Variants in SLC2A7 observed in about 807,000 individuals in gnomAD.
The protein encoded by SLC2A7 is solute carrier family 2, facilitated glucose transporter member 7.
In SLC2A7, 50 loss-of-function variants were observed where a neutral mutation model predicts 50.5. That is an observed-to-expected ratio of 0.99 (90% CI 0.79 to 1.25). The LOEUF (loss-of-function observed/expected upper bound fraction) is 1.25, where lower values mean the gene tolerates loss of function less well. SLC2A7 is among the 50% of genes most tolerant of loss of function. SLC2A7 has a pLI of 0.00. For synonymous variants in SLC2A7, 308 were observed against 300.4 expected (o/e 1.03, Z -0.26); for missense variants, 683 against 679.1 (o/e 1.01, Z -0.06).
intron 8 of SLC2A7, among the ~76,000 whole-genome samples, chr1:9,012,431 T>C (rs539272265): frequency 4.6e-5 from 7 of 152,232 alleles, no homozygotes; most frequent in Admixed American, 3.9e-4. Flanking sequence ...GCCACAGAAA[T>C]CCAGCAGGAG....
intron 11 of SLC2A7, among the ~76,000 whole-genome samples, chr1:9,003,876 A>C (rs1362658028): frequency 1.3e-5 from 2 of 152,074 alleles, no homozygotes; most frequent in Non-Finnish European, 2.9e-5. Flanking sequence ...AAACAAAAAC[A>C]AAAACCCCAA....
chr1:9,010,152 G>A lies in SLC2A7; in HGVS notation c.1107C>T (p.Leu369=). The A allele has an allele frequency of 1.3e-6, 2 of 1,552,576 alleles. No individual in the cohort carries two copies. The highest frequency in any genetic ancestry group is 2.4e-5 in the East Asian group (1 of 40,952). ...GGAAATGAGGTCAGACCTGGAATAG[G>A]AGCACCACCGTCAGCACCAGGCAGG... ...GSACLVLTVV[L]LFQNRVPELS... is the part of the protein sequence containing the mutation. The change falls in exon 9 of 12, where the codon CTC becomes CTT. Residue 369 remains leucine, a synonymous_variant. Coordinates refer to ENST00000400906, the MANE Select transcript of SLC2A7 (RefSeq NM_207420.3).
chr1:9,017,225 C>A (rs1640842984), intron 5 of SLC2A7, among the ~76,000 whole-genome samples: 2 of 152,148 alleles, frequency 1.3e-5, no homozygotes, highest in African/African-American at 4.8e-5. Flanking sequence ...GAGGCTGAGG[C>A]AGGAGAACTG....
At chr1:9,002,437 T>C (rs1640588551), downstream of SLC2A7, among the ~76,000 whole-genome samples, 1 of 152,228 alleles carries the variant, frequency 6.6e-6, no homozygotes, top group African/African-American at 2.4e-5. Context: ...AATACTGCTC[T>C]TTACTACACT....
rs1464081721 is a variant in SLC2A7 at position 9,008,585 on chromosome 1, T to C, written c.1117-1200A>G. 6.8e-6 allele frequency among the ~76,000 whole-genome samples: 1 copy of C among 146,338 alleles called. No individual in the cohort carries two copies. The highest frequency in any genetic ancestry group is 2.0e-4 in the East Asian group (1 of 4,920). The stretch of plus-strand genomic sequence containing the variant: ...CACTTCCTAGAATCCCTAAAGGTTC[T>C]GCTAAGAACTTATATTGGTTTTTTT... On this transcript the variant is annotated intron_variant, in intron 9 of 11. Coordinates refer to ENST00000400906, the MANE Select transcript of SLC2A7 (RefSeq NM_207420.3). This position sits in a 1 kb window ranked among gnomAD's most constrained non-coding sequence, Gnocchi z 5.9.
At chr1:9,002,150 G>A (rs773702885), downstream of SLC2A7, among the ~76,000 whole-genome samples, 12 of 152,182 alleles carry the variant, frequency 7.9e-5, no homozygotes, top group African/African-American at 1.2e-4. Flanking sequence ...GAAAGCCTGG[G>A]TATTGTCTAA....
downstream of SLC2A7, among the ~76,000 whole-genome samples, chr1:9,001,833 A>G (rs1209878987): frequency 6.6e-6 from 1 of 152,164 alleles, no homozygotes; most frequent in African/African-American, 2.4e-5. Flanking sequence ...GGGGGGAAGA[A>G]TGAGAGATCA....
chr1:9,025,182 GAT>G, intron 1 of SLC2A7, 108 bp from the exon 2 acceptor site: 1 of 1,159,222 alleles, frequency 8.6e-7, no homozygotes, highest in Non-Finnish European at 1.2e-6. Flanking sequence ...GGGGATGGGG[GAT>G]CCCAGGCCGT....
downstream of SLC2A7, among the ~76,000 whole-genome samples, chr1:8,999,248 G>A (rs971551892): frequency 2.0e-5 from 3 of 152,132 alleles, no homozygotes; most frequent in African/African-American, 7.2e-5. Context: ...CTGACCTCAA[G>A]TGATTCCCAA....
At chr1:9,015,300 C>A in intron 5 of SLC2A7, 58 bp from the exon 6 acceptor site, 2 of 1,503,140 alleles carry the variant, frequency 1.3e-6, no homozygotes, top group Non-Finnish European at 1.8e-6. Flanking sequence ...GCCCACCTAC[C>A]ACTGTGCTCG....
chr1:8,992,964 A>AG, the SLC2A7 span, among the ~76,000 whole-genome samples: 1 of 152,220 alleles, frequency 6.6e-6, no homozygotes, highest in African/African-American at 2.4e-5. Context: ...CACCTAATAA[A>AG]GGGAGATGGC....
chr1:8,998,158 C>T (rs1416684709), downstream of SLC2A7, among the ~76,000 whole-genome samples: 1 of 152,160 alleles, frequency 6.6e-6, no homozygotes, highest in Non-Finnish European at 1.5e-5. Flanking sequence ...AATCCCAGCA[C>T]TTTGGGAGGC....
downstream of SLC2A7, among the ~76,000 whole-genome samples, chr1:9,002,362 G>A (rs1345134925): frequency 2.0e-5 from 3 of 152,220 alleles, no homozygotes; most frequent in Admixed American, 1.3e-4. Context: ...AAACCCGAGC[G>A]TACGTTCTGT....
chr1:9,004,013 T>C (rs1252234851), intron 11 of SLC2A7, among the ~76,000 whole-genome samples: 1 of 149,634 alleles, frequency 6.7e-6, no homozygotes, highest in African/African-American at 2.5e-5. Flanking sequence ...CTAAAGATTG[T>C]TTGCAGGAAA....
chr1:9,001,361 T>C (rs571339537), downstream of SLC2A7, among the ~76,000 whole-genome samples: 13 of 151,124 alleles, frequency 8.6e-5, no homozygotes, highest in Admixed American at 4.6e-4. Context: ...TCTCGAGTGA[T>C]AGAATCAGCC....
intron 3 of SLC2A7, 81 bp downstream of exon 3, chr1:9,022,837 C>T (rs1000938365): frequency 6.4e-7 from 1 of 1,552,260 alleles, no homozygotes. Flanking sequence ...CACACGTCTC[C>T]CCACCAGGTG....
At chr1:8,997,395 G>T in the SLC2A7 span, among the ~76,000 whole-genome samples, 1 of 152,122 alleles carries the variant, frequency 6.6e-6, no homozygotes, top group Admixed American at 6.6e-5. Context: ...TGGGTTTTGA[G>T]AATTTATTTA....
chr1:8,995,608 G>A, the SLC2A7 span, among the ~76,000 whole-genome samples: 6 of 151,968 alleles, frequency 3.9e-5, no homozygotes, highest in Non-Finnish European at 5.9e-5. Flanking sequence ...AGCCAGGCAC[G>A]GTGGCAGGTG....
chr1:9,010,119 AG>A, intron 9 of SLC2A7, 23 bp downstream of exon 9: 1 of 1,399,394 alleles, frequency 7.1e-7, no homozygotes, highest in Non-Finnish European at 9.8e-7. Context: ...CTCCCCACCC[AG>A]GGGGCAGGAA....
Sources: allele counts gnomAD v4.1 joint callset (sites outside exome capture counted in the v4.1 genomes callset), GRCh38; gene constraint gnomAD v4.1.1; non-coding constraint Gnocchi (gnomAD v3.1); transcripts MANE v1.5; gene names NCBI Gene and HGNC (gene_info 2026-07-23, HGNC 2026-07-21).